SLX4IP: variants seen among roughly 807,000 people sequenced by gnomAD.
SLX4IP encodes the protein SLX4 interacting protein.
Under a neutral mutation model 32.9 loss-of-function variants are expected in SLX4IP, and 34 were observed. That is an observed-to-expected ratio of 1.03 (90% confidence interval 0.79 to 1.38). The LOEUF is 1.38. Ranked by LOEUF, SLX4IP falls within the 40% of genes most tolerant of loss-of-function variation. The pLI is 0.00. For synonymous variants in SLX4IP, 172 were observed against 171.7 expected, an observed-to-expected ratio of 1.00 and a Z score of -0.01; for missense variants, 444 against 479.0, an observed-to-expected ratio of 0.93 and a Z score of 0.68.
At chr20:10,620,039 T>TAGGCAA (rs2067089424) in intron 6 of SLX4IP, among the ~76,000 whole-genome samples, 1 of 152,144 alleles carries the variant, frequency 6.6e-6, no homozygotes, top group African/African-American at 2.4e-5. Context: ...GGGCAGTGAT[T>TAGGCAA]AGGCAAAGCA....
chr20:10,453,307 C>CGTGTGTGTGTGT (rs1555805264), intron 1 of SLX4IP, among the ~76,000 whole-genome samples: 7 of 142,886 alleles, frequency 4.9e-5, no homozygotes, highest in Admixed American at 6.9e-5. Flanking sequence ...AAAACTCATC[C>CGTGTGTGTGTGT]GTGTGTGTGT....
intron 2 of SLX4IP, among the ~76,000 whole-genome samples, chr20:10,471,670 C>G (rs553972668): frequency 1.3e-4 from 20 of 152,300 alleles, no homozygotes; most frequent in Non-Finnish European, 2.2e-4. Flanking sequence ...TTTCCGTTAT[C>G]TGTATCTGTG....
intron 6 of SLX4IP, among the ~76,000 whole-genome samples, chr20:10,619,409 GAAATGCATAGTGCTCTTT>G (rs2067081453): frequency 6.6e-6 from 1 of 151,832 alleles, no homozygotes. Context: ...GTTCCCATAG[GAAATGCATAGTGCTCTTT>G]AAACTGAATT....
At chr20:10,520,995 C>T (rs1246643354) in intron 2 of SLX4IP, among the ~76,000 whole-genome samples, 1 of 152,134 alleles carries the variant, frequency 6.6e-6, no homozygotes, top group Non-Finnish European at 1.5e-5. Context: ...TTATTTAAAA[C>T]AGTATATTTA....
chr20:10,489,880 G>A (rs892562759), intron 2 of SLX4IP, among the ~76,000 whole-genome samples: 1 of 152,180 alleles, frequency 6.6e-6, no homozygotes, highest in Non-Finnish European at 1.5e-5. Flanking sequence ...AAGAATTACC[G>A]AGTTATCTTC....
At chr20:10,530,086 C>T (rs1347945426) in intron 2 of SLX4IP, among the ~76,000 whole-genome samples, 1 of 152,186 alleles carries the variant, frequency 6.6e-6, no homozygotes, top group African/African-American at 2.4e-5. Flanking sequence ...AACAGGCTGA[C>T]ACTCTGCCTA....
intron 2 of SLX4IP, among the ~76,000 whole-genome samples, chr20:10,512,778 CTATATATATATATATATATATA>C (rs57942782): frequency 3.1e-4 from 8 of 25,650 alleles, no homozygotes; most frequent in East Asian, 2.2e-3. Context: ...CACACACACT[CTATATATATATATATATATATA>C]TATATATATA....
At position 10,627,990 on chromosome 20, in the gene SLX4IP, T is replaced by C. The variant is rs1303773751; in HGVS notation, c.*4611T>C. ...GGGGATGAAACCTATGTAATAGAAA[T>C]GTACTGTTTTATGAATAAGGAGTAA... On this transcript the variant is annotated 3_prime_UTR_variant, in exon 8 of 8. Transcript: ENST00000334534. The C allele has an allele frequency of 1.3e-5, 2 of 152,236 alleles. No homozygotes were observed. Among genetic ancestry groups the C allele is most frequent in the Non-Finnish European group, 2.9e-5 (2 of 68,036 alleles). 9.4% of individuals were successfully genotyped at this position (152,236 alleles called of 1,614,324 possible). A position where few individuals can be genotyped will look rare whatever the true frequency, so the allele number is the denominator to read the frequency against.
At chr20:10,504,526 T>C (rs1412856494) in intron 2 of SLX4IP, among the ~76,000 whole-genome samples, 1 of 152,104 alleles carries the variant, frequency 6.6e-6, no homozygotes, top group Admixed American at 6.5e-5. Flanking sequence ...AGTGGCATTG[T>C]TGTAGAGGAA....
chr20:10,573,052 A>T (rs1304220994), intron 4 of SLX4IP, among the ~76,000 whole-genome samples: 1 of 152,166 alleles, frequency 6.6e-6, no homozygotes, highest in Admixed American at 6.5e-5. Context: ...CCAACACCCG[A>T]TGCATGATAC....
At position 10,581,116 on chromosome 20, in the gene SLX4IP, A is replaced by C. The variant is rs199643888; in HGVS notation, c.239-17559A>C. ...GAAACAGTGAGACTTGCTCTAATGC[A>C]TGGGGAAGGGGTTTGAATGATGCAA... On this transcript the variant is annotated intron_variant, in intron 4 of 7. Transcript: ENST00000334534. Among the ~76,000 whole-genome samples the C allele has an allele frequency of 4.6e-5, 7 of 152,152 alleles. No homozygotes were observed. In the East Asian group the frequency reaches 7.8e-4, roughly 17 times the overall value.
At position 10,615,704 on chromosome 20, in the gene SLX4IP, C is replaced by T. The variant is rs2067018294; in HGVS notation, c.406-5610C>T. On this transcript the variant is annotated intron_variant, in intron 6 of 7. Transcript: ENST00000334534. Reference sequence around the variant, plus strand: ...CCCAAGACTGGTAACTTATAAAGAACAGAAATTTATTTCTTATTGTTCTCA... The same window carrying T: ...CCCAAGACTGGTAACTTATAAAGAATAGAAATTTATTTCTTATTGTTCTCA... 2.0e-5 allele frequency among the ~76,000 whole-genome samples: 3 copies of T among 152,154 alleles called. 1 individual carries two copies. The highest frequency in any genetic ancestry group is 2.0e-4 in the Admixed American group (3 of 15,278).
At chr20:10,615,908 T>C (rs2067021843) in intron 6 of SLX4IP, among the ~76,000 whole-genome samples, 1 of 151,972 alleles carries the variant, frequency 6.6e-6, no homozygotes, top group South Asian at 2.1e-4. Context: ...AAACACCTAA[T>C]CCCATTCATG....
chr20:10,611,252 A>G (rs1344577428), intron 6 of SLX4IP, among the ~76,000 whole-genome samples: 1 of 152,212 alleles, frequency 6.6e-6, no homozygotes, highest in African/African-American at 2.4e-5. Flanking sequence ...ACAATAACCT[A>G]TTCAGTGCAA....
intron 4 of SLX4IP, among the ~76,000 whole-genome samples, chr20:10,597,563 G>A (rs1004694731): frequency 1.3e-5 from 2 of 152,170 alleles, no homozygotes; most frequent in Admixed American, 1.3e-4. Context: ...GTAACATTAT[G>A]TTTGTGAGAT....
chr20:10,560,750 C>T lies in SLX4IP; in HGVS notation c.168C>T (p.Tyr56=). Residue 56 remains tyrosine, a synonymous_variant, in exon 4 of 8, where the codon TAC becomes TAT. Transcript: ENST00000334534. The part of the protein sequence containing the change: ...KETIDSRVQE[Y]LEVRKQHRPS... ...CCATTGATTCAAGAGTTCAGGAGTA[C>T]TTGGAAGTTCGCAAACAGCACAGGC... is the stretch of plus-strand genomic sequence containing the variant. The T allele has an allele frequency of 6.2e-7, 1 of 1,607,466 alleles. No individual in the cohort carries two copies. Among genetic ancestry groups the T allele is most frequent in the Non-Finnish European group, 8.5e-7 (1 of 1,176,742 alleles).
intron 2 of SLX4IP, among the ~76,000 whole-genome samples, chr20:10,505,827 A>G (rs1303229103): frequency 6.6e-6 from 1 of 151,918 alleles, no homozygotes; most frequent in Admixed American, 6.6e-5. Context: ...TTTCAAAAAT[A>G]TATTAAAATT....
chr20:10,485,520 G>A (rs1014329842), intron 2 of SLX4IP, among the ~76,000 whole-genome samples: 2 of 151,988 alleles, frequency 1.3e-5, no homozygotes, highest in Non-Finnish European at 2.9e-5. Flanking sequence ...AGAAGACTGA[G>A]GCAGGAGAAT....
intron 2 of SLX4IP, among the ~76,000 whole-genome samples, chr20:10,552,690 A>G (rs890473933): frequency 6.6e-6 from 1 of 152,290 alleles, no homozygotes; most frequent in East Asian, 1.9e-4. Flanking sequence ...TCAAACTTAG[A>G]CTAGGTTATT....
Sources: allele counts gnomAD v4.1 joint callset (sites outside exome capture counted in the v4.1 genomes callset), GRCh38; gene constraint gnomAD v4.1.1; transcripts MANE v1.5; gene names NCBI Gene and HGNC (gene_info 2026-07-23, HGNC 2026-07-21).